AFF4: variants seen among roughly 807,000 people sequenced by gnomAD.
AFF4 encodes the protein AF4/FMR2 family member 4.
AFF4 carries 13 observed loss-of-function variants against 124.8 expected under a neutral mutation model. The ratio of observed to expected loss-of-function variants is 0.10; its 90% CI spans 0.07 to 0.17. The LOEUF is 0.17. Ranked by LOEUF, AFF4 falls within the 10% of genes least tolerant of loss-of-function variation. The pLI, the probability that AFF4 is intolerant of heterozygous loss-of-function variation, is 1.00. For synonymous variants in AFF4, 477 were observed against 496.1 expected, an observed-to-expected ratio of 0.96 and a Z score of 0.51; for missense variants, 1,092 against 1,403.8, an observed-to-expected ratio of 0.78 and a Z score of 3.55.
intron 1 of AFF4, among the ~76,000 whole-genome samples, chr5:132,941,026 CAA>C (rs35070481): frequency 1.3e-4 from 19 of 144,290 alleles, no homozygotes; most frequent in Middle Eastern, 3.3e-3. Context: ...AACTACATCT[CAA>C]AAAAAAAAAA....
chr5:132,931,101 T>TG (rs1286604523), intron 4 of AFF4, among the ~76,000 whole-genome samples: 1 of 123,538 alleles, frequency 8.1e-6, no homozygotes, highest in African/African-American at 3.1e-5. Flanking sequence ...AGTAAAACTC[T>TG]GGCTCAAAAA....
In AFF4 at chr5:132,880,590, T is replaced by G. The variant is rs1581264317; in HGVS notation, c.*469A>C. 2 of 370,320 alleles carry G rather than the reference T, an allele frequency of 5.4e-6. No homozygotes were observed. The highest frequency in any genetic ancestry group is 7.7e-5 in the East Asian group (2 of 25,924). The allele number at this position is 370,320 out of a possible 1,614,324, so 22.9% of individuals were successfully genotyped here. On this transcript the variant is annotated 3_prime_UTR_variant, in exon 21 of 21. Coordinates refer to ENST00000265343, the MANE Select transcript of AFF4 (RefSeq NM_014423.4). ...TTTTAGACGAACCAATTCTTACTCT[T>G]AGAACAGCTACCACAAAAAGATATT...
intron 14 of AFF4, among the ~76,000 whole-genome samples, chr5:132,888,644 G>A (rs1256708947): frequency 6.6e-6 from 1 of 152,006 alleles, no homozygotes; most frequent in Non-Finnish European, 1.5e-5. Context: ...TTTTCAAATT[G>A]AAACCTGAAT....
intron 1 of AFF4, 62 bp downstream of exon 1, chr5:132,963,196 CG>C (rs1269590728): frequency 2.6e-6 from 1 of 386,066 alleles, no homozygotes; most frequent in Non-Finnish European, 4.6e-6. Flanking sequence ...CACCCCCACC[CG>C]GCCCCGGCCA....
At chr5:132,907,080 T>C (rs193014103) in intron 5 of AFF4, among the ~76,000 whole-genome samples, 3 of 152,304 alleles carry the variant, frequency 2.0e-5, no homozygotes, top group African/African-American at 4.8e-5. Flanking sequence ...TATCTGACAA[T>C]AGTCAGCAGG....
intron 2 of AFF4, among the ~76,000 whole-genome samples, chr5:132,936,755 T>TA (rs1561504006): frequency 1.3e-5 from 2 of 152,078 alleles, no homozygotes; most frequent in Admixed American, 6.5e-5. Context: ...AGGACAGCAA[T>TA]AGGAGGTGGG....
intron 4 of AFF4, among the ~76,000 whole-genome samples, chr5:132,931,570 A>G (rs1192382925): frequency 6.6e-6 from 1 of 152,278 alleles, no homozygotes; most frequent in East Asian, 1.9e-4. Context: ...TCAAATTATT[A>G]ACAGTTAAGC....
intron 1 of AFF4, 129 bp from the exon 2 acceptor site, chr5:132,937,322 G>T: frequency 2.6e-6 from 3 of 1,152,058 alleles, no homozygotes; most frequent in Admixed American, 3.0e-5. Context: ...ACAGGCATTA[G>T]TGCTGAAGCT....
chr5:132,947,759 C>G (rs1007518448), intron 1 of AFF4, among the ~76,000 whole-genome samples: 1 of 152,172 alleles, frequency 6.6e-6, no homozygotes, highest in Non-Finnish European at 1.5e-5. Context: ...ATGAGACAGT[C>G]TGAAGAGGTC....
chr5:132,905,274 AC>A (rs994644516), intron 5 of AFF4, among the ~76,000 whole-genome samples: 5 of 152,184 alleles, frequency 3.3e-5, no homozygotes, highest in African/African-American at 1.2e-4. Flanking sequence ...CCTTAGTGAA[AC>A]ATGGCTTTCC....
At chr5:132,949,553 TG>T (rs1761781500) in intron 1 of AFF4, among the ~76,000 whole-genome samples, 2 of 151,964 alleles carry the variant, frequency 1.3e-5, no homozygotes, top group Admixed American at 1.3e-4. Flanking sequence ...GCCTCAAGCC[TG>T]TAATCCCAGC....
chr5:132,914,877 T>C (rs1760872176), intron 5 of AFF4, among the ~76,000 whole-genome samples: 1 of 152,132 alleles, frequency 6.6e-6, no homozygotes. Context: ...AATTCATAGA[T>C]AAAATGGACA....
intron 20 of AFF4, among the ~76,000 whole-genome samples, chr5:132,881,445 A>G (rs1759975734): frequency 6.6e-6 from 1 of 152,258 alleles, no homozygotes; most frequent in Non-Finnish European, 1.5e-5. Flanking sequence ...CCATGAATGG[A>G]AATGATAAAT....
rs536471057 is a variant in AFF4, at chr5:132,877,503, T to C, written c.*3556A>G. 23 of 212,008 alleles carry C rather than the reference T, an allele frequency of 1.1e-4. No homozygotes were observed. Among genetic ancestry groups the C allele is most frequent in the Admixed American group, 8.8e-4 (15 of 17,012 alleles). 13.1% of individuals were successfully genotyped at this position (212,008 alleles called of 1,614,324 possible). A position where few individuals can be genotyped will look rare whatever the true frequency, so the allele number is the denominator to read the frequency against. On this transcript the variant is annotated 3_prime_UTR_variant, in exon 21 of 21. Coordinates refer to ENST00000265343, the MANE Select transcript of AFF4 (RefSeq NM_014423.4). Reference sequence around the variant, plus strand: ...CTAAACACACACATATTTGACAAACTAATTTCATGTTTTCATACATACATA... The same window carrying C: ...CTAAACACACACATATTTGACAAACCAATTTCATGTTTTCATACATACATA...
Position 132,956,755 on chromosome 5 carries a change from C to T in AFF4, c.-5+6504G>A, listed in dbSNP as rs188693526. Among the ~76,000 whole-genome samples the T allele has an allele frequency of 4.5e-3, 691 of 152,008 alleles. 4 individuals carry two copies. The highest frequency in any genetic ancestry group is 0.014 in the Middle Eastern group (4 of 294). ...TGTAAACATGGGCCAGGCAAGGTGG[C>T]TCACACCTGTAACCCCAGCACTTTG... On this transcript the variant is annotated intron_variant, in intron 1 of 20. Coordinates refer to ENST00000265343, the MANE Select transcript of AFF4 (RefSeq NM_014423.4).
intron 7 of AFF4, chr5:132,901,151 G>C (rs1760541542): frequency 1.0e-6 from 1 of 985,256 alleles, no homozygotes; most frequent in Non-Finnish European, 1.2e-6. Context: ...AATGTACTTA[G>C]TCTGAATTCT....
chr5:132,899,699 G>C, intron 7 of AFF4, 58 bp from the exon 8 acceptor site: 1 of 1,437,796 alleles, frequency 7.0e-7, no homozygotes, highest in South Asian at 1.2e-5. Flanking sequence ...GTATGCCAGA[G>C]TACTAAATAT....
At chr5:132,956,387 T>C (rs1360970044) in intron 1 of AFF4, among the ~76,000 whole-genome samples, 2 of 152,080 alleles carry the variant, frequency 1.3e-5, no homozygotes. Flanking sequence ...TCCCAGCACC[T>C]TGGAAGGCTA....
At chr5:132,959,016 CTAA>C (rs1762021465) in intron 1 of AFF4, among the ~76,000 whole-genome samples, 2 of 152,146 alleles carry the variant, frequency 1.3e-5, no homozygotes, top group South Asian at 4.1e-4. Flanking sequence ...ACAGTATCCA[CTAA>C]TAAGCTACGT....
Sources: gnomAD v4.1 joint callset for allele counts (sites outside exome capture counted in the v4.1 genomes callset) on GRCh38, gnomAD v4.1.1 for gene constraint, MANE v1.5 for transcripts, NCBI Gene and HGNC (gene_info 2026-07-23, HGNC 2026-07-21) for gene names.